LARP1: variants seen among roughly 807,000 people sequenced by gnomAD.
The protein encoded by LARP1 is la-related protein 1.
Under a neutral mutation model 122.7 loss-of-function variants are expected in LARP1, and 36 were observed. That is an observed-to-expected ratio of 0.29 (90% CI 0.22 to 0.39). The LOEUF (loss-of-function observed/expected upper bound fraction) is 0.39. Among genes scored for constraint, LARP1 ranks in the 10% least tolerant of loss-of-function variants. The probability of loss-of-function intolerance (pLI) is 1.00; values close to 1 mark genes in which losing one functional copy is unlikely to be tolerated. For synonymous variants in LARP1, 539 were observed against 528.7 expected (o/e 1.02, Z -0.27); for missense variants, 1,040 against 1,403.6 (o/e 0.74, Z 4.14).
intron 1 of LARP1, among the ~76,000 whole-genome samples, chr5:154,706,990 T>G (rs1307855628): frequency 2.0e-5 from 3 of 152,304 alleles, no homozygotes; most frequent in East Asian, 1.9e-4. Context: ...GTACCATAAT[T>G]TATTCATTTT....
At chr5:154,788,655 A>G (rs1757079051) in intron 1 of LARP1, among the ~76,000 whole-genome samples, 1 of 152,030 alleles carries the variant, frequency 6.6e-6, no homozygotes, top group Non-Finnish European at 1.5e-5. Context: ...TGGGGGAGGA[A>G]GGGGCACAGA....
At chr5:154,732,183 A>G (rs1410238201) in intron 1 of LARP1, among the ~76,000 whole-genome samples, 1 of 39,064 alleles carries the variant, frequency 2.6e-5, no homozygotes, top group Non-Finnish European at 1.0e-4. Context: ...ACAAAACAAA[A>G]CAAAACAAAA....
At chr5:154,807,477 C>G (rs1176077479) in intron 15 of LARP1, among the ~76,000 whole-genome samples, 1 of 152,072 alleles carries the variant, frequency 6.6e-6, no homozygotes, top group South Asian at 2.1e-4. Context: ...TTTCTAAAAG[C>G]AATATGTGAG....
chr5:154,774,072 C>A (rs1318910849), intron 1 of LARP1, among the ~76,000 whole-genome samples: 1 of 150,706 alleles, frequency 6.6e-6, no homozygotes, highest in Non-Finnish European at 1.5e-5. Flanking sequence ...TTTGTTTCTC[C>A]ACACCTAAAC....
chr5:154,772,219 T>A (rs1755496238), intron 1 of LARP1, among the ~76,000 whole-genome samples: 1 of 152,196 alleles, frequency 6.6e-6, no homozygotes, highest in Non-Finnish European at 1.5e-5. Context: ...ATCTAATATA[T>A]TCAAAATGCT....
At chr5:154,769,133 C>T (rs1755195720) in intron 1 of LARP1, among the ~76,000 whole-genome samples, 1 of 152,202 alleles carries the variant, frequency 6.6e-6, no homozygotes, top group South Asian at 2.1e-4. Flanking sequence ...GCCACTGCCC[C>T]TGGCCAAATT....
At position 154,804,274 on chromosome 5, in the gene LARP1, C is replaced by T. The variant is rs772385881; in HGVS notation, c.2513C>T (p.Ser838Phe). ...LESHVGWVMD[S>F]REHRPRTASI... is the part of the protein sequence containing the mutation. The stretch of plus-strand genomic sequence containing the variant: ...AGCCATGTGGGCTGGGTGATGGATT[C>T]CCGTGAGCACAGGCCCCGTACTGCT... Residue 838 changes from serine to phenylalanine, a missense_variant, in exon 14 of 19, where the codon TCC becomes TTC. Ser to Phe is a radical substitution (Grantham distance 155). This residue lies in a region of LARP1 where 18 missense variants were observed against 60.2 expected (regional missense o/e 0.30). Transcript: ENST00000518297. 20 of 1,614,090 alleles carry T rather than the reference C, an allele frequency of 1.2e-5. No homozygotes were observed. The Admixed American group carries it at 3.3e-4, about 27-fold the overall frequency.
chr5:154,803,970 C>G lies in LARP1; in HGVS notation c.2439+225C>G, dbSNP rs1758550124. Among the ~76,000 whole-genome samples, 1 of 152,120 alleles carries G rather than the reference C, an allele frequency of 6.6e-6. No homozygotes were observed. Among genetic ancestry groups the G allele is most frequent in the Non-Finnish European group, 1.5e-5 (1 of 68,024 alleles). ...GTTGAAAGGCCTAAGGAGGATTGAC[C>G]AGGTATGAGTCCTTGGGCAAATCAC... is the stretch of plus-strand genomic sequence containing the variant. On this transcript the variant is annotated intron_variant, in intron 13 of 18. Coordinates refer to ENST00000518297, the MANE Select transcript of LARP1 (RefSeq NM_033551.3). This position sits in a 1 kb window ranked among gnomAD's most constrained non-coding sequence, Gnocchi z 4.4.
chr5:154,772,614 C>T (rs912910580), intron 1 of LARP1, among the ~76,000 whole-genome samples: 4 of 152,140 alleles, frequency 2.6e-5, no homozygotes, highest in African/African-American at 9.7e-5. Flanking sequence ...TTAACAACAA[C>T]AAAATACAAC....
intron 7 of LARP1, among the ~76,000 whole-genome samples, chr5:154,794,516 A>G (rs1042452855): frequency 1.3e-5 from 2 of 152,086 alleles, no homozygotes; most frequent in African/African-American, 4.8e-5. Flanking sequence ...TTTAGAATCT[A>G]CCCCCTTCTG....
intron 1 of LARP1, among the ~76,000 whole-genome samples, chr5:154,789,520 C>T (rs1229806567): frequency 6.6e-6 from 1 of 152,134 alleles, no homozygotes; most frequent in East Asian, 1.9e-4. Flanking sequence ...TGCGCCTGGC[C>T]ACAAACAAAG....
At chr5:154,712,309 A>G (rs1755257618), upstream of LARP1, among the ~76,000 whole-genome samples, 2 of 152,212 alleles carry the variant, frequency 1.3e-5, no homozygotes, top group South Asian at 4.1e-4. Context: ...GCAGTGAGTG[A>G]CTTGCCAAAG....
intron 1 of LARP1, among the ~76,000 whole-genome samples, chr5:154,720,058 G>A (rs1755765120): frequency 6.6e-6 from 1 of 151,952 alleles, no homozygotes; most frequent in Non-Finnish European, 1.5e-5. Flanking sequence ...AGGCGTGATG[G>A]CATGTGCCTG....
chr5:154,793,596 A>G lies in LARP1; in HGVS notation c.741A>G (p.Gly247=). 6.2e-7 allele frequency: 1 copy of G among 1,614,160 alleles called. No homozygotes were observed. The highest frequency in any genetic ancestry group is 8.5e-7 in the Non-Finnish European group (1 of 1,180,026). The change falls in exon 5 of 19, where the codon GGA becomes GGG. Residue 247 remains glycine (G), a splice_region_variant and synonymous_variant. Transcript: ENST00000518297. ...DCQRGGQKKK[G]NKHKWVPLQI... is the part of the protein sequence containing the mutation. ...TCATGTACCCATGCTGTCTCCCAGG[A>G]AACAAACACAAGTGGGTTCCATTAC...
chr5:154,727,085 T>C (rs866950091), intron 1 of LARP1, among the ~76,000 whole-genome samples: 2 of 152,240 alleles, frequency 1.3e-5, no homozygotes. Flanking sequence ...ATATAATACA[T>C]ATTTTATATG....
chr5:154,807,202 G>T (rs566222745), intron 15 of LARP1, among the ~76,000 whole-genome samples: 1 of 152,114 alleles, frequency 6.6e-6, no homozygotes, highest in African/African-American at 2.4e-5. Flanking sequence ...ATATTCCATC[G>T]TATGGATGTA....
Position 154,798,051 on chromosome 5 carries a change from ATT to A in LARP1, c.1378-1538_1378-1537del, listed in dbSNP as rs367738097. On this transcript the variant is annotated intron_variant, in intron 8 of 18. Transcript: ENST00000518297. ...TCCACTTATACAGTATCTTCAAGTC[ATT>A]TGAAAGAATCTTTGTGTGGTTTCAC... Among the ~76,000 whole-genome samples, 300 of 152,330 alleles carry A rather than the reference ATT, an allele frequency of 2.0e-3. 2 individuals carry two copies. The highest frequency in any genetic ancestry group is 6.9e-3 in the African/African-American group (288 of 41,568).
rs1757513192 is a variant in LARP1, at chr5:154,793,657, C to T, written c.802C>T (p.Leu268=). Residue 268 remains leucine (L), a synonymous_variant, in exon 5 of 19, where the codon CTG becomes TTG. Coordinates refer to ENST00000518297, the MANE Select transcript of LARP1 (RefSeq NM_033551.3). ...DMKPEVPREK[L]ASRPTRPPEP... is the part of the protein sequence containing the mutation. ...GAAGCCTGAAGTGCCCAGAGAGAAA[C>T]TGGCTTCACGCCCCACTCGCCCACC... is the stretch of plus-strand genomic sequence containing the variant. 6.2e-7 allele frequency: 1 copy of T among 1,614,216 alleles called. No homozygotes were observed.
chr5:154,683,140 G>A (rs1246278559), intron 1 of LARP1, among the ~76,000 whole-genome samples: 1 of 152,224 alleles, frequency 6.6e-6, no homozygotes, highest in Non-Finnish European at 1.5e-5. Context: ...GGCCCGGGCC[G>A]CGGTGGGGGA....
Sources: allele counts gnomAD v4.1 joint callset (sites outside exome capture counted in the v4.1 genomes callset), GRCh38; gene constraint gnomAD v4.1.1; regional missense constraint gnomAD v4.1.1; non-coding constraint Gnocchi (gnomAD v3.1); transcripts MANE v1.5; gene names NCBI Gene and HGNC (gene_info 2026-07-23, HGNC 2026-07-21).